Variants in STK39 observed in about 807,000 individuals in gnomAD.
STK39 encodes the protein serine/threonine kinase 39.
In STK39, 20 loss-of-function variants were observed where a neutral mutation model predicts 77.8. The ratio of observed to expected loss-of-function variants is 0.26; its 90% CI spans 0.18 to 0.37. The LOEUF (loss-of-function observed/expected upper bound fraction) is 0.37. Ranked by LOEUF, STK39 falls within the 10% of genes least tolerant of loss-of-function variation. STK39 has a pLI of 1.00. For synonymous variants in STK39, 246 were observed against 234.1 expected, an observed-to-expected ratio of 1.05 and a Z score of -0.47; for missense variants, 479 against 656.5, an observed-to-expected ratio of 0.73 and a Z score of 2.95.
chr2:168,228,307 G>C (rs754229707), intron 1 of STK39, among the ~76,000 whole-genome samples: 1 of 151,942 alleles, frequency 6.6e-6, no homozygotes, highest in Non-Finnish European at 1.5e-5. Context: ...AAAAAAGGTA[G>C]ACATTTCTAA....
At chr2:168,213,808 A>C (rs979829425) in intron 1 of STK39, among the ~76,000 whole-genome samples, 1 of 152,088 alleles carries the variant, frequency 6.6e-6, no homozygotes, top group East Asian at 1.9e-4. Context: ...TTGCTTGCTC[A>C]TATTTCTATA....
At chr2:168,082,219 T>C (rs944244584) in intron 10 of STK39, among the ~76,000 whole-genome samples, 2 of 152,192 alleles carry the variant, frequency 1.3e-5, no homozygotes, top group African/African-American at 4.8e-5. Flanking sequence ...ACATCATCTG[T>C]AAATATGCTT....
chr2:168,242,558 AAAATATAT>A (rs1479005844), intron 1 of STK39, among the ~76,000 whole-genome samples: 1 of 63,602 alleles, frequency 1.6e-5, no homozygotes, highest in Non-Finnish European at 2.8e-5. Context: ...AAAAAAAAAA[AAAATATAT>A]ATATATATAT....
chr2:168,010,651 T>A (rs1684247713), intron 16 of STK39, among the ~76,000 whole-genome samples: 1 of 152,156 alleles, frequency 6.6e-6, no homozygotes, highest in Non-Finnish European at 1.5e-5. Flanking sequence ...GGCAAAGGAG[T>A]TGGAGCTTCA....
intron 14 of STK39, among the ~76,000 whole-genome samples, chr2:168,058,514 G>A (rs912904705): frequency 1.3e-5 from 2 of 152,094 alleles, no homozygotes; most frequent in Admixed American, 6.5e-5. Context: ...ATCTCTAGCC[G>A]AGACATCTTT....
At chr2:168,179,306 T>C (rs1574531444) in intron 2 of STK39, among the ~76,000 whole-genome samples, 1 of 152,214 alleles carries the variant, frequency 6.6e-6, no homozygotes, top group African/African-American at 2.4e-5. Flanking sequence ...ATTGAAAAGA[T>C]GACAGCAACT....
At chr2:168,242,568 T>A (rs1344994959) in intron 1 of STK39, among the ~76,000 whole-genome samples, 33,627 of 52,446 alleles carry the variant, frequency 0.64, 9,941 homozygotes, top group Non-Finnish European at 0.68. Context: ...AAAATATATA[T>A]ATATATATAT....
At chr2:168,050,600 T>C (rs1257122135) in intron 14 of STK39, among the ~76,000 whole-genome samples, 2 of 152,148 alleles carry the variant, frequency 1.3e-5, no homozygotes, top group Non-Finnish European at 2.9e-5. Context: ...AGCTGCTGGC[T>C]TTGCAGATGG....
In STK39 at chr2:168,063,984, C is replaced by T. The variant is rs190172264; in HGVS notation, c.1306-414G>A. 1.4e-3 allele frequency among the ~76,000 whole-genome samples: 205 copies of T among 149,998 alleles called. 1 individual carries two copies. Among genetic ancestry groups the T allele is most frequent in the Non-Finnish European group, 2.2e-3 (150 of 66,936 alleles). On this transcript the variant is annotated intron_variant, in intron 13 of 17. Transcript: ENST00000355999. ...AAGATTCAGCCACTGTTTATCTTTC[C>T]TGCCTTTCTCACCTAGAGCCCATTT...
intron 2 of STK39, among the ~76,000 whole-genome samples, chr2:168,169,229 G>C (rs1688762717): frequency 6.6e-6 from 1 of 152,118 alleles, no homozygotes; most frequent in African/African-American, 2.4e-5. Context: ...AGGTTCTGAT[G>C]CCATAAGACA....
chr2:168,058,732 C>T (rs1026094702), intron 14 of STK39, among the ~76,000 whole-genome samples: 1 of 152,238 alleles, frequency 6.6e-6, no homozygotes, highest in African/African-American at 2.4e-5. Context: ...CCAATAATTG[C>T]TTACCACTTC....
intron 16 of STK39, among the ~76,000 whole-genome samples, chr2:167,979,151 T>A (rs1683353253): frequency 6.6e-6 from 1 of 152,216 alleles, no homozygotes; most frequent in Non-Finnish European, 1.5e-5. Context: ...TGTACAAATC[T>A]TTGTATAGAT....
At chr2:168,193,304 C>T (rs143768777) in intron 1 of STK39, among the ~76,000 whole-genome samples, 1 of 152,182 alleles carries the variant, frequency 6.6e-6, no homozygotes, top group South Asian at 2.1e-4. Flanking sequence ...TTTCTTCCCC[C>T]CCCTCTTCAC....
intron 1 of STK39, among the ~76,000 whole-genome samples, chr2:168,242,560 A>AAAAAATAT (rs1296747890): frequency 4.5e-5 from 2 of 44,868 alleles, no homozygotes; most frequent in Non-Finnish European, 8.1e-5. Context: ...AAAAAAAAAA[A>AAAAAATAT]ATATATATAT....
At chr2:168,014,068 A>C (rs922744483) in intron 15 of STK39, among the ~76,000 whole-genome samples, 21 of 152,342 alleles carry the variant, frequency 1.4e-4, no homozygotes, top group Admixed American at 1.4e-3. Context: ...TTTCATAATG[A>C]AGTCATAATA....
chr2:167,960,313 CCTTTCATCATTTATT>C (rs923074186), intron 17 of STK39, among the ~76,000 whole-genome samples: 41 of 141,780 alleles, frequency 2.9e-4, no homozygotes, highest in Admixed American at 2.5e-3. Flanking sequence ...TGCCTTGCCC[CCTTTCATCATTTATT>C]GCTTCATCCA....
rs575476334 is a variant in STK39 at position 168,078,861 on chromosome 2, C to T, written c.1090-3630G>A. The stretch of plus-strand genomic sequence containing the variant: ...GATTTTTACCCCTTCGGTGGGAATC[C>T]TGCACTCAGCCTCTCCTCCACCTGC... On this transcript the variant is annotated intron_variant, in intron 10 of 17. Coordinates refer to ENST00000355999, the MANE Select transcript of STK39 (RefSeq NM_013233.3). Among the ~76,000 whole-genome samples, 6 of 152,096 alleles carry T rather than the reference C, an allele frequency of 3.9e-5. No homozygotes were observed. The South Asian group carries it at 1.2e-3, about 32-fold the overall frequency.
chr2:167,980,609 C>A (rs551630167), intron 16 of STK39, among the ~76,000 whole-genome samples: 3 of 152,310 alleles, frequency 2.0e-5, no homozygotes, highest in Admixed American at 2.0e-4. Context: ...GGACTGTGAG[C>A]CCAGCACACG....
chr2:168,203,524 T>C (rs1410026600), intron 1 of STK39, among the ~76,000 whole-genome samples: 1 of 152,114 alleles, frequency 6.6e-6, no homozygotes, highest in African/African-American at 2.4e-5. Flanking sequence ...CACCCACTCC[T>C]AGGAAGGTGC....
Sources: gnomAD v4.1 joint callset for allele counts (sites outside exome capture counted in the v4.1 genomes callset) on GRCh38, gnomAD v4.1.1 for gene constraint, MANE v1.5 for transcripts, NCBI Gene and HGNC (gene_info 2026-07-23, HGNC 2026-07-21) for gene names.